CFDP1: variants seen among roughly 807,000 people sequenced by gnomAD.
The protein encoded by CFDP1 is chromatin remodeling protein CFDP1.
In CFDP1, 31 loss-of-function variants were observed where a neutral mutation model predicts 40.1. The observed-to-expected ratio is 0.77, with a 90% confidence interval of 0.58 to 1.04. CFDP1 has a LOEUF of 1.04. Among genes scored for constraint, CFDP1 ranks in the 50% least tolerant of loss-of-function variants. The pLI is 0.00. For synonymous variants in CFDP1, 167 were observed against 120.0 expected (o/e 1.39, Z -2.56); for missense variants, 423 against 343.4 (o/e 1.23, Z -1.83).
intron 2 of CFDP1, among the ~76,000 whole-genome samples, chr16:75,413,568 A>G (rs2079180924): frequency 6.6e-6 from 1 of 152,034 alleles, no homozygotes; most frequent in Non-Finnish European, 1.5e-5. Flanking sequence ...AAAAAAAAAA[A>G]AAAAAAAATT....
At chr16:75,337,404 G>A (rs1430331421) in intron 5 of CFDP1, among the ~76,000 whole-genome samples, 1 of 152,198 alleles carries the variant, frequency 6.6e-6, no homozygotes, top group East Asian at 1.9e-4. Flanking sequence ...ACTTTGAGGC[G>A]CAGGCCATTA....
At chr16:75,377,736 G>C (rs4993971) in intron 5 of CFDP1, among the ~76,000 whole-genome samples, 127,425 of 152,204 alleles carry the variant, frequency 0.84, 53,493 homozygotes, top group Middle Eastern at 0.91. Flanking sequence ...TCCACTTCTC[G>C]AGGTTCACTC....
intron 4 of CFDP1, among the ~76,000 whole-genome samples, chr16:75,395,435 C>A (rs2285223): frequency 2.0e-5 from 3 of 151,524 alleles, no homozygotes; most frequent in Non-Finnish European, 2.9e-5. Context: ...CCGAGGCAGG[C>A]GGATCACAAG....
At chr16:75,335,888 T>G (rs2078484685) in intron 5 of CFDP1, among the ~76,000 whole-genome samples, 1 of 152,100 alleles carries the variant, frequency 6.6e-6, no homozygotes, top group African/African-American at 2.4e-5. Flanking sequence ...CATTTGTGTC[T>G]GGAAATAAAG....
At chr16:75,418,250 C>T (rs1268979593) in intron 1 of CFDP1, among the ~76,000 whole-genome samples, 1 of 52,964 alleles carries the variant, frequency 1.9e-5, no homozygotes, top group African/African-American at 6.5e-5. Context: ...GAAACTCTGT[C>T]TCAAAAAAAA....
At chr16:75,391,967 C>CA (rs981576578) in intron 5 of CFDP1, among the ~76,000 whole-genome samples, 3 of 150,536 alleles carry the variant, frequency 2.0e-5, no homozygotes, top group Non-Finnish European at 4.4e-5. Context: ...GACTCCGTCT[C>CA]AAAAAAATAA....
chr16:75,296,649 A>G (rs1162460124), intron 6 of CFDP1, among the ~76,000 whole-genome samples: 1 of 152,250 alleles, frequency 6.6e-6, no homozygotes, highest in Non-Finnish European at 1.5e-5. Context: ...GAGACTATCA[A>G]GAGTGAAGCC....
intron 6 of CFDP1, among the ~76,000 whole-genome samples, chr16:75,304,279 G>C (rs2078243178): frequency 6.6e-6 from 1 of 152,086 alleles, no homozygotes; most frequent in Non-Finnish European, 1.5e-5. Flanking sequence ...GGTTGGCTAG[G>C]CTGGTCTCGA....
chr16:75,325,338 T>G (rs537641791), intron 5 of CFDP1, among the ~76,000 whole-genome samples: 1 of 152,330 alleles, frequency 6.6e-6, no homozygotes, highest in Admixed American at 6.5e-5. Context: ...CTCAAGCTAT[T>G]CCTTCTGCCC....
intron 5 of CFDP1, among the ~76,000 whole-genome samples, chr16:75,330,356 G>GC (rs1567647628): frequency 6.6e-6 from 1 of 152,216 alleles, no homozygotes; most frequent in Non-Finnish European, 1.5e-5. Flanking sequence ...GGAGGCCAAG[G>GC]CAGGTGGATC....
intron 5 of CFDP1, among the ~76,000 whole-genome samples, chr16:75,377,502 G>C (rs1318890655): frequency 6.6e-6 from 1 of 152,088 alleles, no homozygotes; most frequent in Non-Finnish European, 1.5e-5. Flanking sequence ...TATTTCCAAT[G>C]AATGTCCATA....
At chr16:75,421,495 A>G (rs2079279932) in intron 1 of CFDP1, among the ~76,000 whole-genome samples, 1 of 152,234 alleles carries the variant, frequency 6.6e-6, no homozygotes, top group South Asian at 2.1e-4. Context: ...ACATCCCTGT[A>G]GACAATGTAG....
chr16:75,401,581 C>G (rs997028522), intron 4 of CFDP1, among the ~76,000 whole-genome samples: 22 of 151,914 alleles, frequency 1.4e-4, no homozygotes, highest in African/African-American at 5.3e-4. Context: ...GTCTGGGCGA[C>G]AAGGTGCGAC....
intron 4 of CFDP1, among the ~76,000 whole-genome samples, chr16:75,401,074 T>G (rs918826389): frequency 6.6e-6 from 1 of 152,030 alleles, no homozygotes; most frequent in African/African-American, 2.4e-5. Flanking sequence ...GGTGGGCAGA[T>G]AGTGAGGTCA....
intron 2 of CFDP1, among the ~76,000 whole-genome samples, chr16:75,413,331 G>A (rs2079178431): frequency 6.6e-6 from 1 of 152,100 alleles, no homozygotes; most frequent in African/African-American, 2.4e-5. Flanking sequence ...CACTCTGGGA[G>A]GCCAAGGCCC....
intron 6 of CFDP1, among the ~76,000 whole-genome samples, chr16:75,297,182 GTGTGTGTGTGTGTT>G (rs2078189417): frequency 1.3e-5 from 2 of 149,754 alleles, no homozygotes; most frequent in African/African-American, 4.9e-5. Flanking sequence ...GTGTGTGTGT[GTGTGTGTGTGTGTT>G]TTTAGTAGAG....
intron 5 of CFDP1, among the ~76,000 whole-genome samples, chr16:75,370,373 G>A (rs2078743216): frequency 2.0e-5 from 3 of 152,058 alleles, no homozygotes; most frequent in South Asian, 2.1e-4. Context: ...GATTACCAAC[G>A]TGAGCCACCA....
At chr16:75,337,051 G>T (rs916349892) in intron 5 of CFDP1, among the ~76,000 whole-genome samples, 5 of 152,034 alleles carry the variant, frequency 3.3e-5, no homozygotes, top group African/African-American at 7.2e-5. Flanking sequence ...TGTTTATGGC[G>T]GTCTCTGCCA....
At chr16:75,363,282 A>G (rs1381397092) in intron 5 of CFDP1, among the ~76,000 whole-genome samples, 1 of 152,178 alleles carries the variant, frequency 6.6e-6, no homozygotes, top group African/African-American at 2.4e-5. Context: ...AAAAAAAAAA[A>G]AAAAAATTTT....
Sources: allele counts gnomAD v4.1 joint callset (sites outside exome capture counted in the v4.1 genomes callset), GRCh38; gene constraint gnomAD v4.1.1; transcripts MANE v1.5; gene names NCBI Gene and HGNC (gene_info 2026-07-23, HGNC 2026-07-21).